RALYL: variants seen among roughly 807,000 people sequenced by gnomAD.
The protein encoded by RALYL is RALY RNA binding protein like, also known as RNA-binding Raly-like protein.
RALYL carries 29 observed loss-of-function variants against 35.1 expected under a neutral mutation model. The observed-to-expected ratio is 0.83, with a 90% confidence interval of 0.61 to 1.13. The LOEUF is 1.13. Ranked by LOEUF, RALYL falls within the 50% of genes most tolerant of loss-of-function variation. The pLI is 0.00. For missense variants in RALYL, 359 were observed against 360.4 expected (o/e 1.00, Z 0.03); for synonymous variants, 120 against 127.6 (o/e 0.94, Z 0.40).
chr8:84,328,935 A>T (rs1345925565), intron 1 of RALYL, among the ~76,000 whole-genome samples: 1 of 152,080 alleles, frequency 6.6e-6, no homozygotes, highest in Non-Finnish European at 1.5e-5. Context: ...AAAGGACGTG[A>T]TTTCATTCGT....
chr8:84,218,615 G>C (rs959514163), intron 1 of RALYL, among the ~76,000 whole-genome samples: 4 of 151,998 alleles, frequency 2.6e-5, no homozygotes, highest in Non-Finnish European at 5.9e-5. Flanking sequence ...GAACTCCAGT[G>C]AGGTTTCACT....
At chr8:84,338,242 T>C (rs1848179067) in intron 1 of RALYL, among the ~76,000 whole-genome samples, 1 of 151,998 alleles carries the variant, frequency 6.6e-6, no homozygotes, top group Admixed American at 6.6e-5. Context: ...TAAGAGAAAT[T>C]ACATAGAGAT....
At chr8:84,458,824 T>C (rs1449935624) in intron 1 of RALYL, among the ~76,000 whole-genome samples, 1 of 151,622 alleles carries the variant, frequency 6.6e-6, no homozygotes, top group Non-Finnish European at 1.5e-5. Flanking sequence ...ATTATAAACA[T>C]TAGTATTGAT....
intron 1 of RALYL, among the ~76,000 whole-genome samples, chr8:84,305,382 TAAG>T (rs1408774450): frequency 6.6e-6 from 1 of 152,146 alleles, no homozygotes; most frequent in South Asian, 2.1e-4. Context: ...TTACATAAAA[TAAG>T]AAACAATATG....
intron 2 of RALYL, among the ~76,000 whole-genome samples, chr8:84,613,884 T>C (rs759251604): frequency 4.0e-4 from 59 of 147,388 alleles, no homozygotes; most frequent in Admixed American, 2.8e-3. Flanking sequence ...ATATATATAA[T>C]ACACAAATCT....
chr8:84,688,230 T>C (rs1309656349), intron 2 of RALYL, among the ~76,000 whole-genome samples: 1 of 152,092 alleles, frequency 6.6e-6, no homozygotes, highest in Non-Finnish European at 1.5e-5. Flanking sequence ...TAGAATTTAT[T>C]TGGAAGAGGC....
chr8:84,607,432 C>T (rs753402446), intron 2 of RALYL, among the ~76,000 whole-genome samples: 49 of 152,158 alleles, frequency 3.2e-4, no homozygotes, highest in Non-Finnish European at 5.3e-4. Context: ...GAAAAATCAG[C>T]AAAATATTTA....
intron 2 of RALYL, among the ~76,000 whole-genome samples, chr8:84,677,230 C>G (rs1355628704): frequency 1.3e-5 from 2 of 152,114 alleles, no homozygotes; most frequent in Non-Finnish European, 2.9e-5. Flanking sequence ...GTCAATGTCC[C>G]AGATAAAATA....
At chr8:84,471,451 G>T (rs1478219596) in intron 1 of RALYL, among the ~76,000 whole-genome samples, 1 of 151,338 alleles carries the variant, frequency 6.6e-6, no homozygotes, top group East Asian at 2.0e-4. Flanking sequence ...AAACTTAGCT[G>T]AGTGTGGTGT....
chr8:84,628,957 C>T (rs1823344575), intron 2 of RALYL, among the ~76,000 whole-genome samples: 1 of 151,840 alleles, frequency 6.6e-6, no homozygotes, highest in African/African-American at 2.4e-5. Context: ...GGCATAGATA[C>T]AAAAAATAAC....
chr8:84,857,411 G>A (rs1837278289), intron 5 of RALYL, among the ~76,000 whole-genome samples: 1 of 152,082 alleles, frequency 6.6e-6, no homozygotes, highest in Admixed American at 6.5e-5. Context: ...TTTTCATGAG[G>A]GCAATTTAGA....
intron 6 of RALYL, among the ~76,000 whole-genome samples, chr8:84,865,075 C>T (rs956839209): frequency 6.6e-6 from 1 of 151,992 alleles, no homozygotes; most frequent in African/African-American, 2.4e-5. Flanking sequence ...ATTTAATATT[C>T]TTTTTAGGAG....
chr8:84,359,094 G>T (rs4740010), intron 1 of RALYL, among the ~76,000 whole-genome samples: 100,397 of 151,854 alleles, frequency 0.66, 34,480 homozygotes, highest in African/African-American at 0.85. Flanking sequence ...TTAACCATAT[G>T]AATCCATTTT....
chr8:84,635,199 T>C (rs1824792640), intron 2 of RALYL, among the ~76,000 whole-genome samples: 1 of 151,754 alleles, frequency 6.6e-6, no homozygotes, highest in Non-Finnish European at 1.5e-5. Context: ...GAAGGTGTTC[T>C]ACAAAAACAA....
chr8:84,417,729 A>T (rs1452599415), intron 1 of RALYL, among the ~76,000 whole-genome samples: 1 of 152,060 alleles, frequency 6.6e-6, no homozygotes, highest in African/African-American at 2.4e-5. Flanking sequence ...GGACGAGGAG[A>T]CAAGACAAAG....
At position 84,423,999 on chromosome 8, in the gene RALYL, A is replaced by T. The variant is rs539836262; in HGVS notation, c.-23-105300A>T. ...CCCTTAACATTTTTTCCTTCATTTC[A>T]ACTTTGGTGAATCTGACAATTATGT... On this transcript the variant is annotated intron_variant, in intron 1 of 8. Transcript: ENST00000521268. Among the ~76,000 whole-genome samples the T allele has an allele frequency of 4.0e-5, 6 of 151,502 alleles. No homozygotes were observed. In the South Asian group the frequency reaches 1.3e-3, roughly 32 times the overall value.
chr8:84,300,872 T>A (rs118011172), intron 1 of RALYL, among the ~76,000 whole-genome samples: 2,767 of 152,176 alleles, frequency 0.018, 37 homozygotes, highest in South Asian at 0.03. Flanking sequence ...TGGGGGCATT[T>A]GTCCTATTTA....
In RALYL at chr8:84,816,032, C is replaced by CA. The variant is rs5892931; in HGVS notation, c.365+11250dup. On this transcript the variant is annotated intron_variant, in intron 4 of 8. Transcript: ENST00000521268. ...CTGGCAACAGAGAGAGACTCTGTCTCAAAAAAAAAAAAAAAAAAAAGAAAA... is the reference window on the plus strand; with the variant it reads ...CTGGCAACAGAGAGAGACTCTGTCTCAAAAAAAAAAAAAAAAAAAAAGAAAA... Among the ~76,000 whole-genome samples the CA allele has an allele frequency of 7.4e-3, 620 of 84,040 alleles. 5 individuals are homozygous for CA. The highest frequency in any genetic ancestry group is 0.013 in the African/African-American group (282 of 22,098). The allele number at this position is 84,040 out of a possible 152,430, so 55.1% of individuals were successfully genotyped here. A position where few individuals can be genotyped will look rare whatever the true frequency, so the allele number is the denominator to read the frequency against.
intron 8 of RALYL, among the ~76,000 whole-genome samples, chr8:84,891,268 G>T (rs529185240): frequency 6.6e-6 from 1 of 152,248 alleles, no homozygotes; most frequent in African/African-American, 2.4e-5. Flanking sequence ...GAAAGGGAGG[G>T]CATGGCCAAT....
Sources: gnomAD v4.1 joint callset for allele counts (sites outside exome capture counted in the v4.1 genomes callset) on GRCh38, gnomAD v4.1.1 for gene constraint, MANE v1.5 for transcripts, NCBI Gene and HGNC (gene_info 2026-07-23, HGNC 2026-07-21) for gene names.